The following NFATC1 variants were observed in gnomAD, a reference collection of about 807,000 sequenced individuals.
NFATC1 encodes nuclear factor of activated T cells 1.
A neutral mutation model predicts 76.0 loss-of-function variants in NFATC1; 22 were observed. The observed-to-expected ratio is 0.29, with a 90% CI of 0.21 to 0.41. NFATC1 has a LOEUF of 0.41. Among genes scored for constraint, NFATC1 ranks in the 10% least tolerant of loss-of-function variants. NFATC1 has a pLI of 1.00. For missense variants in NFATC1, 1,357 were observed against 1,337.7 expected, an observed-to-expected ratio of 1.01 and a Z score of -0.23; for synonymous variants, 704 against 613.1, an observed-to-expected ratio of 1.15 and a Z score of -2.19.
chr18:79,486,530 A>C lies in NFATC1; in HGVS notation c.2375A>C (p.Gln792Pro), dbSNP rs2089501807. Reference sequence around the variant, plus strand: ...GGCCACTGTCACCTCGGACTCCCGCAGCCGGCCGGAGAGGCCCCCGCCGTC... The same window carrying C: ...GGCCACTGTCACCTCGGACTCCCGCCGCCGGCCGGAGAGGCCCCCGCCGTC... ...SPGHCHLGLP[Q>P]PAGEAPAVQD... The change falls in exon 9 of 10, where the codon CAG (glutamine) becomes CCG (proline). Residue 792 changes from glutamine (Q) to proline (P), a missense_variant. Coordinates refer to ENST00000427363, the MANE Select transcript of NFATC1 (RefSeq NM_001278669.2). The C allele has an allele frequency of 9.4e-6, 15 of 1,598,428 alleles. No individual in the cohort carries two copies. The highest frequency in any genetic ancestry group is 1.1e-5 in the Non-Finnish European group (13 of 1,177,716).
rs985767912 is a variant in NFATC1 at position 79,402,496 on chromosome 18, G to A, written c.127+6145G>A. 3.8e-5 allele frequency: 27 copies of A among 702,248 alleles called. No homozygotes were observed. The African/African-American group carries it at 5.3e-4, about 14-fold the overall frequency. 43.5% of individuals were successfully genotyped at this position (702,248 alleles called of 1,614,324 possible). A position where few individuals can be genotyped will look rare whatever the true frequency, so the allele number is the denominator to read the frequency against. Reference sequence around the variant, plus strand: ...TCGCAGGCACCCTGGGCCCTCCGGAGCTGCGCCCTTCCCCGGGAGCCCCGC... The same window carrying A: ...TCGCAGGCACCCTGGGCCCTCCGGAACTGCGCCCTTCCCCGGGAGCCCCGC... On this transcript the variant is annotated intron_variant, in intron 1 of 9. Coordinates refer to ENST00000427363, the MANE Select transcript of NFATC1 (RefSeq NM_001278669.2).
At chr18:79,443,162 C>G (rs1224299628) in intron 3 of NFATC1, among the ~76,000 whole-genome samples, 1 of 152,212 alleles carries the variant, frequency 6.6e-6, no homozygotes, top group African/African-American at 2.4e-5. Flanking sequence ...ATCTGTGGAT[C>G]TGAACACGAT....
In NFATC1 at chr18:79,467,444, C is replaced by T. The variant is rs748195320; in HGVS notation, c.1960-6C>T. 2 of 1,590,714 alleles carry T rather than the reference C, an allele frequency of 1.3e-6. No homozygotes were observed. Among genetic ancestry groups the T allele is most frequent in the Non-Finnish European group, 1.7e-6 (2 of 1,164,704 alleles). On this transcript the variant is annotated splice_region_variant and splice_polypyrimidine_tract_variant and intron_variant, in intron 7 of 9. Coordinates refer to ENST00000427363, the MANE Select transcript of NFATC1 (RefSeq NM_001278669.2). Reference sequence around the variant, plus strand: ...ATTGTGCCTCCTGTGTGCCCTTCTCCTGTAGAATTCTCTGGTGGTTGAGAT... The same window carrying T: ...ATTGTGCCTCCTGTGTGCCCTTCTCTTGTAGAATTCTCTGGTGGTTGAGAT...
intron 2 of NFATC1, among the ~76,000 whole-genome samples, chr18:79,424,690 T>A (rs546020693): frequency 6.6e-6 from 1 of 152,030 alleles, no homozygotes; most frequent in African/African-American, 2.4e-5. Context: ...TCCCTGTCTC[T>A]GTCTCTCTGT....
chr18:79,421,890 C>T (rs1167630860), intron 2 of NFATC1: 1 of 152,282 alleles, frequency 6.6e-6, no homozygotes, highest in South Asian at 2.1e-4. Flanking sequence ...CTTCTCCGAC[C>T]CCGAGGGCCA....
Position 79,524,530 on chromosome 18 carries a change from C to T in NFATC1, c.2783-2998C>T, listed in dbSNP as rs1475949664. Among the ~76,000 whole-genome samples, 1 of 152,220 alleles carries T rather than the reference C, an allele frequency of 6.6e-6. No individual in the cohort carries two copies. Among genetic ancestry groups the T allele is most frequent in the Non-Finnish European group, 1.5e-5 (1 of 68,024 alleles). On this transcript the variant is annotated intron_variant, in intron 9 of 9. Coordinates refer to ENST00000427363, the MANE Select transcript of NFATC1 (RefSeq NM_001278669.2). The surrounding 1 kb of genome is among the most constrained non-coding windows in gnomAD (Gnocchi z 7.2). The stretch of plus-strand genomic sequence containing the variant: ...CACGCGTCCCTGCAGCGTCTGAGAC[C>T]TTGTGGAACACACTTGACCCGGCGC...
At chr18:79,457,184 G>A (rs2087779079) in intron 6 of NFATC1, among the ~76,000 whole-genome samples, 1 of 152,140 alleles carries the variant, frequency 6.6e-6, no homozygotes, top group Non-Finnish European at 1.5e-5. Context: ...TGAACCCCCA[G>A]GCTTCTCTGT....
At chr18:79,400,343 C>A in intron 1 of NFATC1, 3 of 1,385,014 alleles carry the variant, frequency 2.2e-6, no homozygotes, top group Non-Finnish European at 2.8e-6. Flanking sequence ...GAACCGAACC[C>A]CTGGCGGCCG....
intron 7 of NFATC1, among the ~76,000 whole-genome samples, chr18:79,466,764 G>T (rs559077723): frequency 4.6e-5 from 7 of 152,124 alleles, no homozygotes; most frequent in Admixed American, 4.6e-4. Context: ...TGAGGGCCTC[G>T]GCCATCGTCA....
chr18:79,435,267 G>A (rs1294387392), intron 3 of NFATC1, among the ~76,000 whole-genome samples: 1 of 152,098 alleles, frequency 6.6e-6, no homozygotes, highest in Admixed American at 6.5e-5. Flanking sequence ...TGTAGGAATC[G>A]AGGCTGTTAC....
At chr18:79,426,651 C>T (rs772316589) in intron 2 of NFATC1, among the ~76,000 whole-genome samples, 10 of 152,322 alleles carry the variant, frequency 6.6e-5, no homozygotes, top group East Asian at 1.9e-4. Context: ...GGAGTGTTGC[C>T]GGGGCGGGAA....
chr18:79,446,191 T>G (rs532368679), intron 3 of NFATC1, among the ~76,000 whole-genome samples: 21 of 152,334 alleles, frequency 1.4e-4, no homozygotes, highest in African/African-American at 5.1e-4. Context: ...CTTCATGTTT[T>G]AAATAATAGA....
intron 7 of NFATC1, among the ~76,000 whole-genome samples, 182 bp from the exon 8 acceptor site, chr18:79,467,268 G>A (rs1207634492): frequency 2.7e-5 from 4 of 148,880 alleles, no homozygotes; most frequent in Non-Finnish European, 5.9e-5. Context: ...CTGCTTGGGA[G>A]TTTACCGTCA....
intron 2 of NFATC1, among the ~76,000 whole-genome samples, chr18:79,428,655 A>G (rs572039004): frequency 6.6e-6 from 1 of 152,210 alleles, no homozygotes; most frequent in Non-Finnish European, 1.5e-5. Context: ...GTTTCTGAAT[A>G]AGCTAAAATG....
chr18:79,448,476 C>A, intron 3 of NFATC1: 1 of 421,728 alleles, frequency 2.4e-6, no homozygotes, highest in Non-Finnish European at 4.3e-6. Flanking sequence ...GCGAGGGCTC[C>A]GCTTTCCTGC....
At chr18:79,416,529 C>T (rs1222691331) in intron 2 of NFATC1, among the ~76,000 whole-genome samples, 7 of 152,190 alleles carry the variant, frequency 4.6e-5, no homozygotes, top group Non-Finnish European at 7.3e-5. Flanking sequence ...GTCTCTAAGG[C>T]GTTGTACCGA....
At chr18:79,433,226 C>T (rs954185625) in intron 2 of NFATC1, among the ~76,000 whole-genome samples, 2 of 152,198 alleles carry the variant, frequency 1.3e-5, no homozygotes, top group African/African-American at 4.8e-5. Flanking sequence ...GTTTGAGCTT[C>T]CTGGTTCTTA....
At chr18:79,409,834 G>T (rs879844323) in intron 1 of NFATC1, among the ~76,000 whole-genome samples, 1 of 152,238 alleles carries the variant, frequency 6.6e-6, no homozygotes, top group African/African-American at 2.4e-5. Context: ...ATGGAACTTA[G>T]GTTTCTGTTT....
intron 9 of NFATC1, among the ~76,000 whole-genome samples, chr18:79,495,129 C>T (rs1170466721): frequency 6.6e-6 from 1 of 152,240 alleles, no homozygotes; most frequent in African/African-American, 2.4e-5. Flanking sequence ...AAAATAGGGG[C>T]TGCATGGGCT....
Sources: gnomAD v4.1 joint callset for allele counts (sites outside exome capture counted in the v4.1 genomes callset) on GRCh38, gnomAD v4.1.1 for gene constraint, Gnocchi (gnomAD v3.1) non-coding constraint, MANE v1.5 for transcripts, NCBI Gene and HGNC (gene_info 2026-07-23, HGNC 2026-07-21) for gene names.